Variants in UMAD1 observed in about 807,000 individuals in gnomAD.
The protein encoded by UMAD1 is UBAP1-MVB12-associated (UMA)-domain containing protein 1.
Under a neutral mutation model 6.1 loss-of-function variants are expected in UMAD1, and 8 were observed. The observed-to-expected ratio is 1.30, with a 90% CI of 0.76 to 2.35. The LOEUF is 2.35. UMAD1 is among the 30% of genes most tolerant of loss of function. The pLI, the probability that UMAD1 is intolerant of heterozygous loss-of-function variation, is 0.00. For missense variants in UMAD1, 130 were observed against 78.4 expected (o/e 1.66, Z -2.49); for synonymous variants, 56 against 31.4 (o/e 1.78, Z -2.61).
At chr7:7,788,139 G>A (rs1583825349) in intron 2 of UMAD1, among the ~76,000 whole-genome samples, 1 of 152,216 alleles carries the variant, frequency 6.6e-6, no homozygotes, top group African/African-American at 2.4e-5. Context: ...TGATAGTCTG[G>A]TGGGAACAAC....
At chr7:7,710,832 A>G (rs985535247) in intron 2 of UMAD1, among the ~76,000 whole-genome samples, 3 of 152,216 alleles carry the variant, frequency 2.0e-5, no homozygotes, top group African/African-American at 4.8e-5. Context: ...TGGTATATCT[A>G]TATCATGGAA....
chr7:7,719,523 T>C (rs1191335511), intron 2 of UMAD1, among the ~76,000 whole-genome samples: 1 of 152,212 alleles, frequency 6.6e-6, no homozygotes, highest in African/African-American at 2.4e-5. Flanking sequence ...CTGATTATAC[T>C]TTTGAATGTA....
intron 3 of UMAD1, among the ~76,000 whole-genome samples, chr7:7,821,201 T>A (rs1468076786): frequency 6.6e-6 from 1 of 152,184 alleles, no homozygotes; most frequent in African/African-American, 2.4e-5. Flanking sequence ...TGTGAAATTT[T>A]AAGCACACTG....
intron 1 of UMAD1, among the ~76,000 whole-genome samples, chr7:7,651,990 C>G (rs1315106979): frequency 6.6e-6 from 1 of 152,118 alleles, no homozygotes; most frequent in African/African-American, 2.4e-5. Context: ...GCTGTGACTT[C>G]TGAATGGAAG....
chr7:7,847,648 A>C (rs1452122443), intron 3 of UMAD1, among the ~76,000 whole-genome samples: 1 of 152,004 alleles, frequency 6.6e-6, no homozygotes, highest in Non-Finnish European at 1.5e-5. Flanking sequence ...GTTTTGCCCA[A>C]GTTCCACACT....
chr7:7,761,389 A>G (rs916339648), intron 2 of UMAD1, among the ~76,000 whole-genome samples: 1 of 151,942 alleles, frequency 6.6e-6, no homozygotes, highest in Non-Finnish European at 1.5e-5. Flanking sequence ...CCACTTCTTT[A>G]AGACATTTTA....
At chr7:7,718,083 T>C (rs1168697236) in intron 2 of UMAD1, among the ~76,000 whole-genome samples, 1 of 152,250 alleles carries the variant, frequency 6.6e-6, no homozygotes, top group African/African-American at 2.4e-5. Flanking sequence ...CATTCACTTA[T>C]TAACTTCACA....
At chr7:7,646,012 T>C (rs967252109) in intron 1 of UMAD1, among the ~76,000 whole-genome samples, 1 of 152,140 alleles carries the variant, frequency 6.6e-6, no homozygotes, top group African/African-American at 2.4e-5. Context: ...AGAGGGAGCA[T>C]GCAGGTGAGC....
At chr7:7,670,817 G>C (rs899213349) in intron 1 of UMAD1, among the ~76,000 whole-genome samples, 2 of 152,208 alleles carry the variant, frequency 1.3e-5, no homozygotes, top group African/African-American at 4.8e-5. Flanking sequence ...GGGAGAGAGA[G>C]AACAGTCAAA....
chr7:7,748,269 A>T (rs1781612956), intron 2 of UMAD1, among the ~76,000 whole-genome samples: 1 of 152,002 alleles, frequency 6.6e-6, no homozygotes, highest in African/African-American at 2.4e-5. Flanking sequence ...ATAAAGTTAT[A>T]TGTTTTATTA....
intron 2 of UMAD1, among the ~76,000 whole-genome samples, chr7:7,679,820 C>T (rs1402717742): frequency 6.6e-6 from 1 of 151,084 alleles, no homozygotes; most frequent in Non-Finnish European, 1.5e-5. Flanking sequence ...CTGCCTCTGC[C>T]TCCCAAAGTG....
chr7:7,860,257 C>T (rs186794981), intron 3 of UMAD1, among the ~76,000 whole-genome samples: 1 of 152,070 alleles, frequency 6.6e-6, no homozygotes, highest in East Asian at 1.9e-4. Flanking sequence ...TTTTTAAAGA[C>T]AAGCAAAGAG....
chr7:7,665,768 A>G, intron 1 of UMAD1, among the ~76,000 whole-genome samples: 1 of 151,394 alleles, frequency 6.6e-6, no homozygotes, highest in East Asian at 1.9e-4. Flanking sequence ...TGAGAAGCTT[A>G]TATAAATGGA....
At chr7:7,734,988 T>C (rs1457214422) in intron 2 of UMAD1, among the ~76,000 whole-genome samples, 1 of 152,172 alleles carries the variant, frequency 6.6e-6, no homozygotes, top group African/African-American at 2.4e-5. Context: ...GTCCTAAAAT[T>C]ATATTTAATA....
intron 2 of UMAD1, among the ~76,000 whole-genome samples, chr7:7,772,956 G>T (rs908360657): frequency 1.3e-5 from 2 of 151,790 alleles, no homozygotes; most frequent in Non-Finnish European, 2.9e-5. Flanking sequence ...TTCTTTAATG[G>T]TTCAAAGGAG....
intron 3 of UMAD1, among the ~76,000 whole-genome samples, chr7:7,845,775 G>C (rs1369530173): frequency 6.6e-6 from 1 of 152,086 alleles, no homozygotes; most frequent in Non-Finnish European, 1.5e-5. Flanking sequence ...TAATACCGTA[G>C]TAGAGTTTTC....
chr7:7,761,483 T>C (rs1200851122), intron 2 of UMAD1, among the ~76,000 whole-genome samples: 1 of 152,170 alleles, frequency 6.6e-6, no homozygotes, highest in Admixed American at 6.5e-5. Context: ...ATTAAAGATA[T>C]GTCTTTGGTT....
chr7:7,848,648 A>G (rs923577974), intron 3 of UMAD1, among the ~76,000 whole-genome samples: 6 of 152,150 alleles, frequency 3.9e-5, no homozygotes, highest in African/African-American at 1.4e-4. Context: ...GGAGAGATTT[A>G]TGAAATCTTG....
chr7:7,789,616 TTC>T lies in UMAD1; in HGVS notation c.83-12051_83-12050del, dbSNP rs1782528575. Among the ~76,000 whole-genome samples, 3 of 120,798 alleles carry T rather than the reference TTC, an allele frequency of 2.5e-5. No homozygotes were observed. In the South Asian group the frequency reaches 8.0e-4, roughly 32 times the overall value. 79.2% of individuals were successfully genotyped at this position (120,798 alleles called of 152,430 possible). A position where few individuals can be genotyped will look rare whatever the true frequency, so the allele number is the denominator to read the frequency against. ...CTGTACTCGTTAAACAAAATACCCC[TTC>T]TCCCCTCCCCACAGACCCTGGAAAC... On this transcript the variant is annotated intron_variant, in intron 2 of 3. Transcript: ENST00000682710.
Sources: allele counts gnomAD v4.1 joint callset (sites outside exome capture counted in the v4.1 genomes callset), GRCh38; gene constraint gnomAD v4.1.1; transcripts MANE v1.5; gene names NCBI Gene and HGNC (gene_info 2026-07-23, HGNC 2026-07-21).